The following DYNC1LI1 variants were observed in gnomAD, a reference collection of about 807,000 sequenced individuals.
DYNC1LI1 encodes dynein cytoplasmic 1 light intermediate chain 1.
A neutral mutation model predicts 63.8 loss-of-function variants in DYNC1LI1; 19 were observed. The ratio of observed to expected loss-of-function variants is 0.30; its 90% confidence interval spans 0.21 to 0.44. The LOEUF is 0.44. Ranked by LOEUF, DYNC1LI1 falls within the 20% of genes least tolerant of loss-of-function variation. The pLI, the probability that DYNC1LI1 is intolerant of heterozygous loss-of-function variation, is 1.00. For synonymous variants in DYNC1LI1, 225 were observed against 232.3 expected, an observed-to-expected ratio of 0.97 and a Z score of 0.28; for missense variants, 565 against 630.2, an observed-to-expected ratio of 0.90 and a Z score of 1.11.
intron 4 of DYNC1LI1, among the ~76,000 whole-genome samples, chr3:32,543,551 AC>A: frequency 6.7e-6 from 1 of 149,832 alleles, no homozygotes; most frequent in Admixed American, 6.6e-5. Flanking sequence ...GGCACCCGCC[AC>A]CATGCTGGGC....
At chr3:32,539,931 C>T (rs562982118) in intron 5 of DYNC1LI1, among the ~76,000 whole-genome samples, 95 of 151,682 alleles carry the variant, frequency 6.3e-4, no homozygotes, top group Non-Finnish European at 5.1e-4. Flanking sequence ...GTGGCGCAAT[C>T]TCGGCTCACT....
At chr3:32,543,985 T>TG (rs1230544019) in intron 4 of DYNC1LI1, among the ~76,000 whole-genome samples, 2 of 143,470 alleles carry the variant, frequency 1.4e-5, no homozygotes, top group Non-Finnish European at 3.0e-5. Flanking sequence ...CTTGAGCTGG[T>TG]GGGGGGGCGG....
chr3:32,541,136 A>G lies in DYNC1LI1; in HGVS notation c.639T>C (p.Thr213=). Reference sequence around the variant, plus strand: ...TGTCATCTTTGTCTTCTTGTGACGCAGTATTTCTTCTCTGGGGAGAAGCCG... The same window carrying G: ...TGTCATCTTTGTCTTCTTGTGACGCGGTATTTCTTCTCTGGGGAGAAGCCG... ...DFPASPQRRN[T]ASQEDKDDSV... is the part of the protein sequence containing the mutation. The change falls in exon 5 of 13, where the codon ACT becomes ACC. Residue 213 remains threonine (T), a synonymous_variant. Transcript: ENST00000273130. The G allele has an allele frequency of 6.2e-7, 1 of 1,613,616 alleles. No homozygotes were observed. The highest frequency in any genetic ancestry group is 8.5e-7 in the Non-Finnish European group (1 of 1,179,622).
Position 32,545,152 on chromosome 3 carries a change from T to C in DYNC1LI1, c.338-46A>G, listed in dbSNP as rs780419756. 7 of 1,287,402 alleles carry C rather than the reference T, an allele frequency of 5.4e-6. No homozygotes were observed. In the East Asian group the frequency reaches 1.2e-4, roughly 21 times the overall value. The allele number at this position is 1,287,402 out of a possible 1,614,324, so 79.7% of individuals were successfully genotyped here. ...TAACCAAGGCAACAAGATTAAGTCA[T>C]TTCATCATCCAACTAACAGTACCAC... On this transcript the variant is annotated intron_variant, in intron 3 of 12. Coordinates refer to ENST00000273130, the MANE Select transcript of DYNC1LI1 (RefSeq NM_016141.4).
chr3:32,539,101 A>G lies in DYNC1LI1; in HGVS notation c.738+1936T>C, dbSNP rs929258504. ...AATGGAACCAACTTCCAATAAACAA[A>G]CAGCTCTTCACCAACCAAAACAAAA... On this transcript the variant is annotated intron_variant, in intron 5 of 12. Transcript: ENST00000273130. Among the ~76,000 whole-genome samples, 9 of 152,244 alleles carry G rather than the reference A, an allele frequency of 5.9e-5. 1 individual carries two copies. The highest frequency in any genetic ancestry group is 5.9e-4 in the Admixed American group (9 of 15,292).
chr3:32,560,370 T>G (rs1049146320), intron 2 of DYNC1LI1, among the ~76,000 whole-genome samples: 1 of 152,012 alleles, frequency 6.6e-6, no homozygotes, highest in Non-Finnish European at 1.5e-5. Flanking sequence ...GAGACGGAGG[T>G]TGCAGTGAGC....
intron 2 of DYNC1LI1, among the ~76,000 whole-genome samples, chr3:32,566,063 G>A (rs981951271): frequency 2.6e-5 from 4 of 152,112 alleles, no homozygotes; most frequent in African/African-American, 7.2e-5. Context: ...CTTGAGCCCA[G>A]GAGTTCAAGA....
chr3:32,555,058 T>C (rs546077790), intron 2 of DYNC1LI1, among the ~76,000 whole-genome samples: 2 of 151,956 alleles, frequency 1.3e-5, no homozygotes, highest in Non-Finnish European at 2.9e-5. Flanking sequence ...TTAGTAGAGA[T>C]GGGGTTTCAC....
At chr3:32,542,659 C>T (rs1328674176) in intron 4 of DYNC1LI1, among the ~76,000 whole-genome samples, 2 of 152,204 alleles carry the variant, frequency 1.3e-5, no homozygotes, top group Non-Finnish European at 2.9e-5. Flanking sequence ...CCTGCCTTGG[C>T]CTCCCCAAGT....
intron 2 of DYNC1LI1, among the ~76,000 whole-genome samples, chr3:32,561,030 A>AAAAC (rs1559444468): frequency 1.7e-3 from 220 of 132,808 alleles, no homozygotes; most frequent in South Asian, 9.4e-3. Context: ...AAAAAAAAAA[A>AAAAC]AAACAAACAA....
chr3:32,559,975 G>A (rs1317179133), intron 2 of DYNC1LI1, among the ~76,000 whole-genome samples: 1 of 152,060 alleles, frequency 6.6e-6, no homozygotes, highest in Non-Finnish European at 1.5e-5. Flanking sequence ...TCTCCTAGAG[G>A]GCATCTTCCT....
intron 2 of DYNC1LI1, among the ~76,000 whole-genome samples, chr3:32,557,244 G>A (rs1025002150): frequency 1.2e-4 from 18 of 152,154 alleles, no homozygotes; most frequent in African/African-American, 2.4e-5. Context: ...TGCTGGGCAC[G>A]GTGGCTTAGG....
At chr3:32,545,674 A>T in intron 3 of DYNC1LI1, 175 bp downstream of exon 3, 1 of 620,656 alleles carries the variant, frequency 1.6e-6, no homozygotes, top group Non-Finnish European at 2.8e-6. Flanking sequence ...AGTATCATAT[A>T]TGAATCCCAA....
At chr3:32,564,023 A>G (rs1698227060) in intron 2 of DYNC1LI1, among the ~76,000 whole-genome samples, 1 of 152,230 alleles carries the variant, frequency 6.6e-6, no homozygotes, top group Non-Finnish European at 1.5e-5. Context: ...TAACACAGTC[A>G]TGTGCTGTGG....
chr3:32,527,140 G>A (rs62252794), intron 12 of DYNC1LI1, among the ~76,000 whole-genome samples: 21,700 of 152,000 alleles, frequency 0.14, 1,749 homozygotes, highest in Middle Eastern at 0.21. Context: ...TCAGGAGTTC[G>A]AGACCAGCCC....
intron 2 of DYNC1LI1, among the ~76,000 whole-genome samples, chr3:32,548,926 T>C (rs569160817): frequency 6.6e-6 from 1 of 152,222 alleles, no homozygotes; most frequent in Admixed American, 6.5e-5. Context: ...TTTTACAAAG[T>C]ACCATTAAAC....
intron 2 of DYNC1LI1, among the ~76,000 whole-genome samples, chr3:32,565,886 G>A (rs888058160): frequency 1.3e-5 from 2 of 152,170 alleles, no homozygotes; most frequent in African/African-American, 4.8e-5. Context: ...AGGATTATAG[G>A]CAGGAGCCAT....
At chr3:32,548,908 A>G (rs1012702667) in intron 2 of DYNC1LI1, among the ~76,000 whole-genome samples, 1 of 152,192 alleles carries the variant, frequency 6.6e-6, no homozygotes, top group Non-Finnish European at 1.5e-5. Context: ...TGTATTTTTC[A>G]GTACTATTTT....
intron 2 of DYNC1LI1, among the ~76,000 whole-genome samples, chr3:32,555,200 A>G (rs1412452020): frequency 2.0e-5 from 3 of 152,222 alleles, no homozygotes; most frequent in African/African-American, 7.2e-5. Flanking sequence ...TTCATATTTT[A>G]TAAACATCTT....
Sources: allele counts gnomAD v4.1 joint callset (sites outside exome capture counted in the v4.1 genomes callset), GRCh38; gene constraint gnomAD v4.1.1; transcripts MANE v1.5; gene names NCBI Gene and HGNC (gene_info 2026-07-23, HGNC 2026-07-21).